UNC80: variants seen among roughly 807,000 people sequenced by gnomAD.
UNC80 encodes the protein unc-80 subunit of NALCN channel complex, also known as protein unc-80 homolog.
Under a neutral mutation model 384.6 loss-of-function variants are expected in UNC80, and 164 were observed. That is an observed-to-expected ratio of 0.43 (90% confidence interval 0.38 to 0.49). UNC80 has a LOEUF of 0.49. Among genes scored for constraint, UNC80 ranks in the 20% least tolerant of loss-of-function variants. The pLI, the probability that UNC80 is intolerant of heterozygous loss-of-function variation, is 0.00. For missense variants in UNC80, 3,330 were observed against 4,143.0 expected (o/e 0.80, Z 5.39); for synonymous variants, 1,486 against 1,527.8 (o/e 0.97, Z 0.64).
At chr2:209,949,057 T>C (rs1293135693) in intron 47 of UNC80, among the ~76,000 whole-genome samples, 1 of 152,190 alleles carries the variant, frequency 6.6e-6, no homozygotes, top group Non-Finnish European at 1.5e-5. Flanking sequence ...TGTAACTGGG[T>C]TGTATAATTA....
chr2:209,887,671 A>G (rs1038013782), intron 25 of UNC80, among the ~76,000 whole-genome samples: 1 of 152,148 alleles, frequency 6.6e-6, no homozygotes, highest in Non-Finnish European at 1.5e-5. Flanking sequence ...CTCAGTTTCT[A>G]TCTTGGGATT....
At chr2:209,943,631 A>G in intron 45 of UNC80, 117 bp downstream of exon 45, 1 of 1,254,744 alleles carries the variant, frequency 8.0e-7, no homozygotes, top group Non-Finnish European at 1.1e-6. Flanking sequence ...GTTTTGGCAG[A>G]GATGCAAAGG....
At chr2:209,951,885 G>C (rs1392640729) in intron 47 of UNC80, among the ~76,000 whole-genome samples, 2 of 151,568 alleles carry the variant, frequency 1.3e-5, no homozygotes, top group African/African-American at 4.9e-5. Flanking sequence ...GTTCTTTCCT[G>C]CATTTCCTAT....
rs988810883 is a variant in UNC80 at position 209,941,201 on chromosome 2, G to A, written c.6647-20G>A. The A allele has an allele frequency of 6.7e-6, 10 of 1,486,708 alleles. No individual in the cohort carries two copies. The highest frequency in any genetic ancestry group is 4.2e-5 in the African/African-American group (3 of 72,008). 92.1% of individuals were successfully genotyped at this position (1,486,708 alleles called of 1,614,324 possible). A position where few individuals can be genotyped will look rare whatever the true frequency, so the allele number is the denominator to read the frequency against. On this transcript the variant is annotated intron_variant, in intron 43 of 64. Coordinates refer to ENST00000673920, the MANE Select transcript of UNC80 (RefSeq NM_001371986.1). ...TTGGTGTGGGGCTAATTCTGTCTCT[G>A]CTGTTTCATGTTCTCACAGCTGGAA...
intron 46 of UNC80, 104 bp downstream of exon 46, chr2:209,945,293 T>C: frequency 8.5e-7 from 1 of 1,178,556 alleles, no homozygotes; most frequent in Non-Finnish European, 1.1e-6. Context: ...TGTGTGTATA[T>C]ATAACTAAAT....
At chr2:209,948,059 A>G (rs1031889628) in intron 47 of UNC80, among the ~76,000 whole-genome samples, 9 of 152,136 alleles carry the variant, frequency 5.9e-5, no homozygotes, top group South Asian at 2.1e-4. Flanking sequence ...TTGTATGACT[A>G]TGTTACAATT....
At chr2:209,982,922 A>G (rs1240326793) in intron 60 of UNC80, 1 of 142,404 alleles carries the variant, frequency 7.0e-6, no homozygotes, top group Non-Finnish European at 1.5e-5. Flanking sequence ...TAAGAATATA[A>G]GTAAAAAAAA....
chr2:209,894,025 T>C (rs1442745816), intron 26 of UNC80, 138 bp from the exon 27 acceptor site: 3 of 417,740 alleles, frequency 7.2e-6, no homozygotes, highest in African/African-American at 6.5e-5. Flanking sequence ...ACTGGGGGCT[T>C]GGGAGAAGCT....
rs1386802480 is a variant in UNC80 at position 209,917,968 on chromosome 2, A to G, written c.5211+10A>G. On this transcript the variant is annotated intron_variant, in intron 32 of 64. Coordinates refer to ENST00000673920, the MANE Select transcript of UNC80 (RefSeq NM_001371986.1). ...ACAGCAGATTTTTAAGGTGAGGGAT[A>G]CTTCTCACAGAGGAGTTACATTAGC... 2.6e-6 allele frequency: 4 copies of G among 1,551,162 alleles called. No individual in the cohort carries two copies. Among genetic ancestry groups the G allele is most frequent in the Non-Finnish European group, 3.5e-6 (4 of 1,146,568 alleles).
intron 22 of UNC80, among the ~76,000 whole-genome samples, chr2:209,868,755 A>G (rs1013453957): frequency 6.6e-6 from 1 of 152,194 alleles, no homozygotes; most frequent in African/African-American, 2.4e-5. Flanking sequence ...CCATGCAGAG[A>G]ACACCTCATA....
Position 209,839,085 on chromosome 2 carries a change from A to T in UNC80, c.3042-137A>T, listed in dbSNP as rs766199497. The T allele has an allele frequency of 4.6e-5, 34 of 746,530 alleles. No individual in the cohort carries two copies. The highest frequency in any genetic ancestry group is 5.8e-5 in the Non-Finnish European group (27 of 463,250). The allele number at this position is 746,530 out of a possible 1,614,324, so 46.2% of individuals were successfully genotyped here. ...TCTCTTTCCTCCCACTTCAATGCCCACTCTTCCCACATTTCAGCCCATCAA... is the reference window on the plus strand; with the variant it reads ...TCTCTTTCCTCCCACTTCAATGCCCTCTCTTCCCACATTTCAGCCCATCAA... On this transcript the variant is annotated intron_variant, in intron 18 of 64. Transcript: ENST00000673920. This position sits in a 1 kb window ranked among gnomAD's most constrained non-coding sequence, Gnocchi z 4.1.
chr2:209,972,657 C>T (rs1300325604), intron 55 of UNC80, among the ~76,000 whole-genome samples: 2 of 152,160 alleles, frequency 1.3e-5, no homozygotes, highest in Non-Finnish European at 2.9e-5. Flanking sequence ...ACTTGTACAA[C>T]CTACGTGGAC....
In UNC80 at chr2:209,820,336, TC is replaced by T. The variant is rs1212187379; in HGVS notation, c.1990del (p.Asn665IlefsTer13). 6.5e-7 allele frequency: 1 copy of T among 1,548,248 alleles called. No individual in the cohort carries two copies. The highest frequency in any genetic ancestry group is 1.4e-5 in the African/African-American group (1 of 72,772). ...GTAGTTCTGAAGGCTGTTTATCTTG[TC>T]CTTAATCATGACATCAGCTCTCGTA... ...LSVVLKAVYL[V>X]LNHDISSRIC... On this transcript the variant is annotated frameshift_variant, in exon 13 of 65. Transcript: ENST00000673920. LOFTEE classifies it high-confidence loss of function.
chr2:209,895,758 C>T (rs2086742572), intron 27 of UNC80, among the ~76,000 whole-genome samples: 1 of 152,184 alleles, frequency 6.6e-6, no homozygotes, highest in South Asian at 2.1e-4. Context: ...TACTTTCACA[C>T]AGAGAGGAGT....
intron 32 of UNC80, 91 bp downstream of exon 32, chr2:209,918,049 C>A (rs2089704757): frequency 8.3e-7 from 1 of 1,205,962 alleles, no homozygotes; most frequent in Non-Finnish European, 1.2e-6. Flanking sequence ...AGTATGTGGC[C>A]AAAGATATTC....
At chr2:209,930,057 G>A (rs2090732901) in intron 37 of UNC80, 86 bp downstream of exon 37, 5 of 765,192 alleles carry the variant, frequency 6.5e-6, no homozygotes, top group African/African-American at 1.8e-5. Context: ...ATAGTGCAGT[G>A]CATGCAACTC....
intron 47 of UNC80, among the ~76,000 whole-genome samples, chr2:209,946,631 C>T (rs1399873136): frequency 6.6e-6 from 1 of 152,076 alleles, no homozygotes; most frequent in Non-Finnish European, 1.5e-5. Flanking sequence ...ATTTCTGTAA[C>T]ACAAAGGGCA....
At position 209,820,510 on chromosome 2, in the gene UNC80, T is replaced by A; in HGVS notation, c.2162T>A (p.Val721Glu). The A allele has an allele frequency of 1.3e-6, 2 of 1,550,980 alleles. No homozygotes were observed. Among genetic ancestry groups the A allele is most frequent in the Non-Finnish European group, 1.7e-6 (2 of 1,146,846 alleles). ...PSEGAFQFKG[V>E]SGSSTCGFGG... Reference sequence around the variant, plus strand: ...GAGGGAGCTTTCCAATTCAAAGGAGTATCTGGAAGTTCCACCTGTGGATTC... The same window carrying A: ...GAGGGAGCTTTCCAATTCAAAGGAGAATCTGGAAGTTCCACCTGTGGATTC... Residue 721 changes from valine (V) to glutamate (E), a missense_variant, in exon 13 of 65, where the codon GTA (valine) becomes GAA (glutamate). Physicochemically the swap from Val to Glu is moderately radical, Grantham distance 121. Coordinates refer to ENST00000673920, the MANE Select transcript of UNC80 (RefSeq NM_001371986.1).
chr2:209,983,945 C>A (rs2093220845), intron 60 of UNC80, among the ~76,000 whole-genome samples: 1 of 152,146 alleles, frequency 6.6e-6, no homozygotes, highest in Non-Finnish European at 1.5e-5. Context: ...TTCCTAGGGA[C>A]AGAGGCTGTT....
Sources: allele counts gnomAD v4.1 joint callset (sites outside exome capture counted in the v4.1 genomes callset), GRCh38; gene constraint gnomAD v4.1.1; non-coding constraint Gnocchi (gnomAD v3.1); transcripts MANE v1.5; gene names NCBI Gene and HGNC (gene_info 2026-07-23, HGNC 2026-07-21).